SORCS1: variants seen among roughly 807,000 people sequenced by gnomAD.
SORCS1 encodes the protein VPS10 domain-containing receptor SorCS1.
A neutral mutation model predicts 146.1 loss-of-function variants in SORCS1; 60 were observed. That is an observed-to-expected ratio of 0.41 (90% CI 0.33 to 0.51). The LOEUF (loss-of-function observed/expected upper bound fraction) is 0.51, where lower values mean the gene tolerates loss of function less well. Among genes scored for constraint, SORCS1 ranks in the 20% least tolerant of loss-of-function variants. The pLI, the probability that SORCS1 is intolerant of heterozygous loss-of-function variation, is 0.21. For missense variants in SORCS1, 1,352 were observed against 1,487.6 expected, an observed-to-expected ratio of 0.91 and a Z score of 1.50; for synonymous variants, 637 against 584.0, an observed-to-expected ratio of 1.09 and a Z score of -1.31.
chr10:106,769,271 G>A (rs1454741846), intron 4 of SORCS1, among the ~76,000 whole-genome samples: 1 of 151,956 alleles, frequency 6.6e-6, no homozygotes, highest in East Asian at 1.9e-4. Flanking sequence ...AGATCACAAG[G>A]TCAGGAGTTT....
chr10:106,963,305 C>A (rs1277154832), intron 1 of SORCS1, among the ~76,000 whole-genome samples: 1 of 151,842 alleles, frequency 6.6e-6, no homozygotes, highest in East Asian at 1.9e-4. Flanking sequence ...TTAGTAGAGA[C>A]AGGGTTTCAC....
chr10:106,832,400 G>T (rs1416586584), intron 2 of SORCS1, among the ~76,000 whole-genome samples: 1 of 151,946 alleles, frequency 6.6e-6, no homozygotes, highest in Non-Finnish European at 1.5e-5. Flanking sequence ...TGTTGGTCAG[G>T]CTGGCCTTGA....
At position 106,786,552 on chromosome 10, in the gene SORCS1, C is replaced by T. The variant is rs560821541; in HGVS notation, c.727-9860G>A. 9.2e-5 allele frequency among the ~76,000 whole-genome samples: 14 copies of T among 152,232 alleles called. 1 individual carries two copies. In the East Asian group the frequency reaches 2.1e-3, roughly 23 times the overall value. On this transcript the variant is annotated intron_variant, in intron 3 of 25. Coordinates refer to ENST00000263054, the MANE Select transcript of SORCS1 (RefSeq NM_052918.5). ...AGGTGCAAAGCTTTGCATGACCCATCCTTGGAAGACCCAGGACATCAATTT... is the reference window on the plus strand; with the variant it reads ...AGGTGCAAAGCTTTGCATGACCCATTCTTGGAAGACCCAGGACATCAATTT...
intron 24 of SORCS1, among the ~76,000 whole-genome samples, chr10:106,596,174 T>C (rs1304798582): frequency 1.3e-5 from 2 of 152,168 alleles, no homozygotes; most frequent in Admixed American, 1.3e-4. Flanking sequence ...AGTCTCTCTC[T>C]CTATAAGCAT....
At chr10:106,853,841 C>A (rs1403886379) in intron 2 of SORCS1, among the ~76,000 whole-genome samples, 1 of 151,828 alleles carries the variant, frequency 6.6e-6, no homozygotes, top group African/African-American at 2.4e-5. Flanking sequence ...CTATTTGCTT[C>A]AGTTTGTTAA....
chr10:106,888,243 A>C (rs1261049155), intron 2 of SORCS1, among the ~76,000 whole-genome samples: 1 of 152,238 alleles, frequency 6.6e-6, no homozygotes, highest in Admixed American at 6.5e-5. Context: ...CCCAATACAG[A>C]AGTTAAGTCT....
chr10:106,758,296 C>T (rs1360662822), intron 5 of SORCS1, among the ~76,000 whole-genome samples: 5 of 152,148 alleles, frequency 3.3e-5, no homozygotes, highest in Non-Finnish European at 7.4e-5. Flanking sequence ...ACATAGAAAA[C>T]ACTGTATATA....
chr10:106,675,485 C>G (rs1242817292), intron 13 of SORCS1, among the ~76,000 whole-genome samples: 1 of 152,166 alleles, frequency 6.6e-6, no homozygotes, highest in African/African-American at 2.4e-5. Context: ...TCCAAAACCT[C>G]TCTACTGTCT....
intron 2 of SORCS1, among the ~76,000 whole-genome samples, chr10:106,863,276 C>G (rs952139378): frequency 6.6e-6 from 1 of 151,836 alleles, no homozygotes; most frequent in African/African-American, 2.4e-5. Context: ...ATAATCCCAG[C>G]ACTTTGGGAT....
chr10:106,766,694 A>C (rs1373559859), intron 4 of SORCS1, among the ~76,000 whole-genome samples: 1 of 152,210 alleles, frequency 6.6e-6, no homozygotes, highest in Non-Finnish European at 1.5e-5. Context: ...TGCCCAATCC[A>C]GACCCCCACA....
intron 24 of SORCS1, among the ~76,000 whole-genome samples, chr10:106,594,348 T>C (rs1173014892): frequency 2.0e-5 from 3 of 152,234 alleles, no homozygotes; most frequent in Non-Finnish European, 4.4e-5. Flanking sequence ...CAATTATACA[T>C]ATTCATGGGG....
At chr10:107,159,214 G>A (rs1002441926) in intron 1 of SORCS1, among the ~76,000 whole-genome samples, 1 of 152,140 alleles carries the variant, frequency 6.6e-6, no homozygotes, top group African/African-American at 2.4e-5. Flanking sequence ...TAAAAGGTTT[G>A]TTCCCTTACA....
At chr10:106,707,499 C>A (rs1030955273) in intron 7 of SORCS1, among the ~76,000 whole-genome samples, 1 of 152,090 alleles carries the variant, frequency 6.6e-6, no homozygotes, top group Non-Finnish European at 1.5e-5. Flanking sequence ...CTGTGCCCAG[C>A]CTTTTTGAAA....
chr10:106,762,563 T>C (rs1052176323), intron 4 of SORCS1, among the ~76,000 whole-genome samples: 13 of 151,494 alleles, frequency 8.6e-5, no homozygotes, highest in African/African-American at 3.2e-4. Context: ...CGGCTAATTT[T>C]TTTTTTTGTA....
At chr10:106,802,278 A>T (rs889934385) in intron 3 of SORCS1, among the ~76,000 whole-genome samples, 6 of 152,204 alleles carry the variant, frequency 3.9e-5, no homozygotes, top group Non-Finnish European at 8.8e-5. Flanking sequence ...GAAGATTTGC[A>T]TCCACAAAAG....
At chr10:106,787,974 T>C (rs1398744952) in intron 3 of SORCS1, among the ~76,000 whole-genome samples, 1 of 152,234 alleles carries the variant, frequency 6.6e-6, no homozygotes, top group Non-Finnish European at 1.5e-5. Flanking sequence ...TGAAAGACAG[T>C]TCATAGATGG....
chr10:106,925,190 T>G (rs1212634111), intron 2 of SORCS1, among the ~76,000 whole-genome samples: 2 of 152,026 alleles, frequency 1.3e-5, no homozygotes, highest in Non-Finnish European at 2.9e-5. Flanking sequence ...TCTTCTCTAT[T>G]GTTTGTTTTT....
intron 1 of SORCS1, among the ~76,000 whole-genome samples, chr10:106,983,108 TTATA>T (rs142010793): frequency 1.3e-4 from 19 of 147,318 alleles, no homozygotes; most frequent in African/African-American, 2.7e-4. Context: ...TCAGAGGAGG[TTATA>T]TATATATATA....
In SORCS1 at chr10:106,782,987, C is replaced by G. The variant is rs556277998; in HGVS notation, c.727-6295G>C. Among the ~76,000 whole-genome samples the G allele has an allele frequency of 2.0e-5, 3 of 152,244 alleles. No individual in the cohort carries two copies. The East Asian group carries it at 5.8e-4, about 29-fold the overall frequency. On this transcript the variant is annotated intron_variant, in intron 3 of 25. Transcript: ENST00000263054. ...GGGAGTGTGCTTAGTGAAGGTCATT[C>G]ACACCATGAGAAGAAAGGTAAGCTA...
Sources: allele counts gnomAD v4.1 joint callset (sites outside exome capture counted in the v4.1 genomes callset), GRCh38; gene constraint gnomAD v4.1.1; transcripts MANE v1.5; gene names NCBI Gene and HGNC (gene_info 2026-07-23, HGNC 2026-07-21).